Variants in P2RY12 observed in about 807,000 individuals in gnomAD.
P2RY12 encodes P2Y purinoceptor 12.
Under a neutral mutation model 4.5 loss-of-function variants are expected in P2RY12, and 3 were observed. The ratio of observed to expected loss-of-function variants is 0.67; its 90% CI spans 0.31 to 1.74. The LOEUF (loss-of-function observed/expected upper bound fraction) is 1.74. Among genes scored for constraint, P2RY12 ranks in the 40% most tolerant of loss-of-function variants. P2RY12 has a pLI of 0.09. For missense variants in P2RY12, 356 were observed against 407.8 expected, an observed-to-expected ratio of 0.87 and a Z score of 1.09; for synonymous variants, 148 against 154.1, an observed-to-expected ratio of 0.96 and a Z score of 0.29.
intron 1 of P2RY12, among the ~76,000 whole-genome samples, chr3:151,379,104 C>G (rs1711747483): frequency 6.6e-6 from 1 of 152,120 alleles, no homozygotes; most frequent in South Asian, 2.1e-4. Flanking sequence ...TGGTAGAGAC[C>G]CAGCATTGTA....
intron 1 of P2RY12, among the ~76,000 whole-genome samples, chr3:151,366,744 A>G (rs1015651570): frequency 6.6e-6 from 1 of 152,190 alleles, no homozygotes; most frequent in African/African-American, 2.4e-5. Flanking sequence ...TCCTATCTCT[A>G]TATCTTCATT....
At chr3:151,377,918 C>A in intron 1 of P2RY12, 1 of 1,258,468 alleles carries the variant, frequency 7.9e-7, no homozygotes, top group African/African-American at 1.5e-5. Context: ...CTGTGTGTCT[C>A]ATACATCAAA....
intron 1 of P2RY12, among the ~76,000 whole-genome samples, chr3:151,356,559 A>G (rs531727729): frequency 1.6e-4 from 24 of 152,312 alleles, no homozygotes; most frequent in African/African-American, 5.5e-4. Context: ...TTTCAATTAA[A>G]TAATTATCAT....
chr3:151,359,845 C>T (rs566525594), intron 1 of P2RY12, among the ~76,000 whole-genome samples: 1 of 152,194 alleles, frequency 6.6e-6, no homozygotes, highest in East Asian at 1.9e-4. Context: ...GTATGGACTT[C>T]TGTGTTGTAT....
intron 2 of P2RY12, 108 bp from the exon 3 acceptor site, chr3:151,338,967 T>C: frequency 1.1e-6 from 1 of 926,918 alleles, no homozygotes; most frequent in Non-Finnish European, 1.7e-6. Flanking sequence ...AGTTGAGGTT[T>C]CTCATCTTCA....
At chr3:151,382,169 C>CA (rs1712483630) in intron 1 of P2RY12, among the ~76,000 whole-genome samples, 1 of 152,054 alleles carries the variant, frequency 6.6e-6, no homozygotes, top group Non-Finnish European at 1.5e-5. Flanking sequence ...CCATATTTTT[C>CA]AAAGTACCGT....
chr3:151,355,188 C>T (rs771611542), intron 1 of P2RY12: 1 of 1,613,902 alleles, frequency 6.2e-7, no homozygotes, highest in South Asian at 1.1e-5. Flanking sequence ...AGACTGTGTT[C>T]ACTAAACTCC....
At chr3:151,366,167 GAA>G (rs768966828) in intron 1 of P2RY12, among the ~76,000 whole-genome samples, 3 of 151,694 alleles carry the variant, frequency 2.0e-5, no homozygotes, top group Non-Finnish European at 4.4e-5. Flanking sequence ...TTAAATACAT[GAA>G]AAAAAATAGA....
At chr3:151,369,393 T>TA in intron 1 of P2RY12, 1 of 1,295,864 alleles carries the variant, frequency 7.7e-7, no homozygotes, top group Non-Finnish European at 1.1e-6. Context: ...AAAACATTAC[T>TA]AATGATGGTA....
intron 1 of P2RY12, chr3:151,357,263 C>T (rs1754046132): frequency 1.2e-6 from 2 of 1,613,494 alleles, no homozygotes; most frequent in South Asian, 1.1e-5. Context: ...TAAAATCCTC[C>T]AGCCTGGCAG....
intron 1 of P2RY12, chr3:151,367,600 T>G: frequency 6.5e-7 from 1 of 1,542,404 alleles, no homozygotes; most frequent in Non-Finnish European, 8.8e-7. Flanking sequence ...TAGATACTGC[T>G]TACAAGGTTG....
intron 1 of P2RY12, chr3:151,375,912 T>A: frequency 1.7e-6 from 1 of 584,708 alleles, no homozygotes; most frequent in Non-Finnish European, 2.6e-6. Flanking sequence ...ATTTTTTAAA[T>A]TGGAAAATTC....
At position 151,364,651 on chromosome 3, in the gene P2RY12, C is replaced by T. The variant is rs140052633; in HGVS notation, c.-180+20041G>A. ...ACACTTTTCAACAACTGTTAAGACA[C>T]AGTTGTTGGAAGCCATAGTAATTTC... is the stretch of plus-strand genomic sequence containing the variant. On this transcript the variant is annotated intron_variant, in intron 1 of 2. Coordinates refer to ENST00000302632, the MANE Select transcript of P2RY12 (RefSeq NM_022788.5). Among the ~76,000 whole-genome samples, 456 of 152,226 alleles carry T rather than the reference C, an allele frequency of 3.0e-3. 3 individuals carry two copies. The highest frequency in any genetic ancestry group is 0.01 in the African/African-American group (436 of 41,546).
intron 1 of P2RY12, 45 bp from the exon 2 acceptor site, chr3:151,340,805 A>T (rs1441957119): frequency 6.6e-6 from 1 of 152,598 alleles, no homozygotes; most frequent in Non-Finnish European, 1.5e-5. Context: ...TCACAATCAG[A>T]GATTGTCTTC....
chr3:151,377,319 G>GTTA (rs1260163430), intron 1 of P2RY12: 6 of 679,398 alleles, frequency 8.8e-6, no homozygotes, highest in Non-Finnish European at 1.2e-5. Flanking sequence ...TTATTAATAA[G>GTTA]TTAATGAGTA....
At chr3:151,357,175 G>T in intron 1 of P2RY12, 1 of 1,501,394 alleles carries the variant, frequency 6.7e-7, no homozygotes, top group Non-Finnish European at 9.0e-7. Flanking sequence ...ATTTGTTTTG[G>T]CACCTACATG....
At chr3:151,354,504 T>A (rs1246982475) in intron 1 of P2RY12, among the ~76,000 whole-genome samples, 2 of 152,204 alleles carry the variant, frequency 1.3e-5, no homozygotes, top group Non-Finnish European at 2.9e-5. Context: ...AGTAACAAGA[T>A]GAGTCTCCAA....
In P2RY12 at chr3:151,365,317, G is replaced by A. The variant is rs902510349; in HGVS notation, c.-180+19375C>T. The A allele has an allele frequency of 2.7e-5, 23 of 858,666 alleles. No individual in the cohort carries two copies. The African/African-American group carries it at 3.0e-4, about 11-fold the overall frequency. 53.2% of individuals were successfully genotyped at this position (858,666 alleles called of 1,614,324 possible). On this transcript the variant is annotated intron_variant, in intron 1 of 2. Coordinates refer to ENST00000302632, the MANE Select transcript of P2RY12 (RefSeq NM_022788.5). ...CTGGACTCACATTTGGCTATCATTT[G>A]CTTTTTCTAAATCTTCTTTTATTCC...
intron 1 of P2RY12, chr3:151,366,046 T>C: frequency 7.3e-7 from 1 of 1,363,710 alleles, no homozygotes; most frequent in Non-Finnish European, 9.7e-7. Context: ...ATTTAGTTAG[T>C]GGGTAATCTT....
Sources: gnomAD v4.1 joint callset for allele counts (sites outside exome capture counted in the v4.1 genomes callset) on GRCh38, gnomAD v4.1.1 for gene constraint, MANE v1.5 for transcripts, NCBI Gene and HGNC (gene_info 2026-07-23, HGNC 2026-07-21) for gene names.